Variants in MAN1A1 observed in about 807,000 individuals in gnomAD.
The protein encoded by MAN1A1 is mannosidase alpha class 1A member 1, also known as mannosyl-oligosaccharide 1,2-alpha-mannosidase IA.
A neutral mutation model predicts 70.8 loss-of-function variants in MAN1A1; 29 were observed. That is an observed-to-expected ratio of 0.41 (90% CI 0.31 to 0.56). MAN1A1 has a LOEUF of 0.56. MAN1A1 is among the 20% of genes least tolerant of loss of function. The pLI is 0.29. For synonymous variants in MAN1A1, 349 were observed against 330.1 expected (o/e 1.06, Z -0.62); for missense variants, 747 against 841.3 (o/e 0.89, Z 1.39).
chr6:119,272,254 G>A (rs1582755024), intron 5 of MAN1A1, among the ~76,000 whole-genome samples: 3 of 152,224 alleles, frequency 2.0e-5, no homozygotes, highest in Admixed American at 6.5e-5. Flanking sequence ...AAAGCCTCAC[G>A]AGTTTCTGGT....
rs1216313253 is a variant in MAN1A1, at chr6:119,279,552, T to C, written c.897+11131A>G. ...CTACCATGTTTCTGTACTCAACCCT[T>C]TAGAATGACAATTTTAAAATGTACA... On this transcript the variant is annotated intron_variant, in intron 5 of 12. Transcript: ENST00000368468. Among the ~76,000 whole-genome samples, 6 of 152,168 alleles carry C rather than the reference T, an allele frequency of 3.9e-5. No homozygotes were observed. The South Asian group carries it at 8.3e-4, about 21-fold the overall frequency.
intron 5 of MAN1A1, among the ~76,000 whole-genome samples, chr6:119,273,711 T>C (rs1005515260): frequency 5.9e-5 from 9 of 152,218 alleles, no homozygotes; most frequent in African/African-American, 2.2e-4. Flanking sequence ...TTTATCATAT[T>C]ACATTCCCAA....
At chr6:119,319,359 AAATAAT>A (rs199629407) in intron 2 of MAN1A1, among the ~76,000 whole-genome samples, 4,779 of 147,768 alleles carry the variant, frequency 0.032, 100 homozygotes, top group Non-Finnish European at 0.045. Flanking sequence ...AAAATGGTAA[AAATAAT>A]AATAATAATA....
At position 119,219,162 on chromosome 6, in the gene MAN1A1, A is replaced by G. The variant is rs188074866; in HGVS notation, c.993-14280T>C. Among the ~76,000 whole-genome samples the G allele has an allele frequency of 9.0e-4, 137 of 152,064 alleles. 4 individuals are homozygous for G. The Middle Eastern group carries it at 0.02, about 23-fold the overall frequency. On this transcript the variant is annotated intron_variant, in intron 6 of 12. Transcript: ENST00000368468. Reference sequence around the variant, plus strand: ...CTTTGGCATTTCTTTCTCTTTTCCCATCTTACTGCAAAATTTCACTGATTT... The same window carrying G: ...CTTTGGCATTTCTTTCTCTTTTCCCGTCTTACTGCAAAATTTCACTGATTT...
intron 5 of MAN1A1, among the ~76,000 whole-genome samples, chr6:119,255,805 G>A (rs777103141): frequency 9.2e-5 from 14 of 151,992 alleles, no homozygotes; most frequent in African/African-American, 2.4e-4. Flanking sequence ...TTCTTTCACC[G>A]TCTCTTTCTT....
At chr6:119,229,116 A>C (rs966742946) in intron 6 of MAN1A1, among the ~76,000 whole-genome samples, 1 of 152,144 alleles carries the variant, frequency 6.6e-6, no homozygotes, top group East Asian at 1.9e-4. Flanking sequence ...ATTTGAGGCA[A>C]GAACTTTATT....
At chr6:119,330,734 G>A (rs1385077252) in intron 2 of MAN1A1, among the ~76,000 whole-genome samples, 1 of 152,094 alleles carries the variant, frequency 6.6e-6, no homozygotes, top group Non-Finnish European at 1.5e-5. Context: ...TGGCTGCCCT[G>A]GGGACCTTCA....
At chr6:119,316,873 A>G (rs918058862) in intron 2 of MAN1A1, among the ~76,000 whole-genome samples, 11 of 151,840 alleles carry the variant, frequency 7.2e-5, no homozygotes, top group African/African-American at 2.7e-4. Flanking sequence ...ATGAAAATGA[A>G]TTAGCTTGAA....
intron 5 of MAN1A1, among the ~76,000 whole-genome samples, chr6:119,273,774 A>C (rs1775985226): frequency 6.6e-6 from 1 of 152,214 alleles, no homozygotes; most frequent in African/African-American, 2.4e-5. Context: ...CTAGGTATTA[A>C]CATGATTTTC....
chr6:119,219,393 C>A (rs1270772925), intron 6 of MAN1A1, among the ~76,000 whole-genome samples: 2 of 152,112 alleles, frequency 1.3e-5, no homozygotes, highest in East Asian at 3.9e-4. Flanking sequence ...TTGGGCATGT[C>A]CCTTCAAGTC....
intron 2 of MAN1A1, among the ~76,000 whole-genome samples, chr6:119,346,138 G>GA (rs1410379380): frequency 6.6e-6 from 1 of 152,018 alleles, no homozygotes; most frequent in Non-Finnish European, 1.5e-5. Context: ...CAATGGTAAA[G>GA]AAAAAAACTA....
intron 7 of MAN1A1, among the ~76,000 whole-genome samples, chr6:119,202,798 G>A (rs1452173516): frequency 6.6e-6 from 1 of 152,178 alleles, no homozygotes; most frequent in East Asian, 1.9e-4. Context: ...AGTATGTCAG[G>A]AGATGATAAA....
At chr6:119,276,739 T>A (rs141389189) in intron 5 of MAN1A1, among the ~76,000 whole-genome samples, 2,229 of 152,252 alleles carry the variant, frequency 0.015, 34 homozygotes, top group African/African-American at 0.037. Context: ...CTGAAACACA[T>A]AAGTTAGCAG....
At chr6:119,208,355 A>G (rs1359414741) in intron 6 of MAN1A1, among the ~76,000 whole-genome samples, 1 of 152,238 alleles carries the variant, frequency 6.6e-6, no homozygotes, top group Non-Finnish European at 1.5e-5. Context: ...AAAGGTAATA[A>G]ATATTTAAAA....
intron 5 of MAN1A1, among the ~76,000 whole-genome samples, chr6:119,262,801 T>C (rs542341385): frequency 1.3e-5 from 2 of 152,288 alleles, no homozygotes; most frequent in East Asian, 3.9e-4. Context: ...CCATAAAAAA[T>C]GAGACCATGT....
intron 2 of MAN1A1, among the ~76,000 whole-genome samples, chr6:119,340,802 C>T (rs931290650): frequency 1.3e-5 from 2 of 152,176 alleles, no homozygotes; most frequent in African/African-American, 4.8e-5. Context: ...CACATAAAAA[C>T]ATGAACAATG....
chr6:119,232,421 A>G (rs1173671520), intron 6 of MAN1A1, among the ~76,000 whole-genome samples: 1 of 151,762 alleles, frequency 6.6e-6, no homozygotes, highest in Admixed American at 6.6e-5. Context: ...TTAATGATCA[A>G]TATACTACAA....
At chr6:119,234,858 A>G (rs942629937) in intron 6 of MAN1A1, among the ~76,000 whole-genome samples, 2 of 152,156 alleles carry the variant, frequency 1.3e-5, no homozygotes, top group Admixed American at 6.5e-5. Flanking sequence ...TGTCAAGTCT[A>G]TTGGTGCCAT....
chr6:119,217,623 TTGAG>T (rs779109908), intron 6 of MAN1A1, among the ~76,000 whole-genome samples: 20 of 152,252 alleles, frequency 1.3e-4, no homozygotes, highest in Non-Finnish European at 2.9e-4. Flanking sequence ...CATTTACATA[TTGAG>T]TGTTACTCCC....
Sources: allele counts gnomAD v4.1 joint callset (sites outside exome capture counted in the v4.1 genomes callset), GRCh38; gene constraint gnomAD v4.1.1; transcripts MANE v1.5; gene names NCBI Gene and HGNC (gene_info 2026-07-23, HGNC 2026-07-21).